The following STXBP2 variants were observed in gnomAD, a reference collection of about 807,000 sequenced individuals.
STXBP2 encodes syntaxin binding protein 2.
STXBP2 carries 47 observed loss-of-function variants against 72.2 expected under a neutral mutation model. The observed-to-expected ratio is 0.65, with a 90% CI of 0.51 to 0.83. The LOEUF is 0.83. STXBP2 is among the 40% of genes least tolerant of loss of function. The pLI, the probability that STXBP2 is intolerant of heterozygous loss-of-function variation, is 0.00. For missense variants in STXBP2, 702 were observed against 807.6 expected, an observed-to-expected ratio of 0.87 and a Z score of 1.58; for synonymous variants, 367 against 338.7, an observed-to-expected ratio of 1.08 and a Z score of -0.92.
intron 14 of STXBP2, 143 bp downstream of exon 14, chr19:7,644,895 G>A (rs751377904): frequency 1.7e-5 from 25 of 1,489,772 alleles, no homozygotes; most frequent in South Asian, 6.6e-5. Context: ...CTCTGGACCC[G>A]GGAACCCTCC....
chr19:7,639,236 G>T, intron 3 of STXBP2, 136 bp downstream of exon 3: 2 of 924,274 alleles, frequency 2.2e-6, no homozygotes. Context: ...CTCCCTGCAC[G>T]GACAGCCCGG....
chr19:7,644,770 G>T lies in STXBP2; in HGVS notation c.1246+18G>T. 1 of 1,613,476 alleles carries T rather than the reference G, an allele frequency of 6.2e-7. No homozygotes were observed. The highest frequency in any genetic ancestry group is 8.5e-7 in the Non-Finnish European group (1 of 1,179,816). On this transcript the variant is annotated intron_variant, in intron 14 of 18. Coordinates refer to ENST00000221283, the MANE Select transcript of STXBP2 (RefSeq NM_006949.4). Reference sequence around the variant, plus strand: ...TCGGAATGGTGGGTGGGGGCTGCAGGGAGTTGGAACGTCCCCATTTGCCAG... The same window carrying T: ...TCGGAATGGTGGGTGGGGGCTGCAGTGAGTTGGAACGTCCCCATTTGCCAG...
chr19:7,633,474 C>T, upstream of STXBP2: 1 of 1,569,932 alleles, frequency 6.4e-7, no homozygotes, highest in Non-Finnish European at 8.7e-7. Flanking sequence ...GGACTCCAGT[C>T]ACTTTTCTGC....
At chr19:7,630,463 C>A in the STXBP2 span, 1 of 846,820 alleles carries the variant, frequency 1.2e-6, no homozygotes, top group Non-Finnish European at 1.9e-6. Context: ...CTTGGGTCGG[C>A]CGTAACGAGG....
chr19:7,632,570 A>G, upstream of STXBP2: 2 of 1,603,836 alleles, frequency 1.2e-6, no homozygotes, highest in South Asian at 1.1e-5. This position sits in a 1 kb window ranked among gnomAD's most constrained non-coding sequence, Gnocchi z 5.2. Flanking sequence ...GGGGCCCCCA[A>G]CCCTACCCCT....
Position 7,642,401 on chromosome 19 carries a change from AC to A in STXBP2, c.795-23del. 6.2e-7 allele frequency: 1 copy of A among 1,613,276 alleles called. No individual in the cohort carries two copies. Among genetic ancestry groups the A allele is most frequent in the South Asian group, 1.1e-5 (1 of 91,040 alleles). On this transcript the variant is annotated intron_variant, in intron 9 of 18. Transcript: ENST00000221283. This position sits in a 1 kb window ranked among gnomAD's most constrained non-coding sequence, Gnocchi z 6.0. ...GGTTCCCCAGTCCTCAGCTCCCCTG[AC>A]CCCCAGGCTCCCTCCTTCCTCCCCA... is the stretch of plus-strand genomic sequence containing the variant.
At chr19:7,643,780 A>AGGGGTGGAACCTTGGG (rs2032000207) in intron 13 of STXBP2, among the ~76,000 whole-genome samples, 1 of 126,276 alleles carries the variant, frequency 7.9e-6, no homozygotes, top group Non-Finnish European at 1.6e-5. Flanking sequence ...GGAACCTTGG[A>AGGGGTGGAACCTTGGG]GAGGTGGGAC....
At chr19:7,644,887 C>G in intron 14 of STXBP2, 135 bp downstream of exon 14, 1 of 1,502,692 alleles carries the variant, frequency 6.7e-7, no homozygotes, top group South Asian at 1.3e-5. Flanking sequence ...AGCTACCCCT[C>G]TGGACCCGGG....
intron 4 of STXBP2, chr19:7,640,159 T>C (rs765286505): frequency 1.8e-6 from 1 of 560,944 alleles, no homozygotes; most frequent in South Asian, 1.6e-5. Context: ...TGTGCATCTG[T>C]ATGTGTGTGT....
At chr19:7,646,111 C>T (rs916922204) in intron 15 of STXBP2, 138 bp from the exon 16 acceptor site, 30 of 673,110 alleles carry the variant, frequency 4.5e-5, no homozygotes, top group Non-Finnish European at 7.1e-5. Context: ...TGCTGTCTCT[C>T]GCTCTCTCTC....
chr19:7,633,554 C>G, upstream of STXBP2: 1 of 1,223,816 alleles, frequency 8.2e-7, no homozygotes, highest in East Asian at 2.5e-5. Flanking sequence ...GTGGATTCCC[C>G]CCATCCCCAA....
intron 6 of STXBP2, among the ~76,000 whole-genome samples, chr19:7,641,382 A>G (rs2031868444): frequency 6.6e-6 from 1 of 152,110 alleles, no homozygotes; most frequent in Non-Finnish European, 1.5e-5. Context: ...AAACATACAT[A>G]AAGTAAAATT....
chr19:7,647,021 C>A (rs1276912619), intron 16 of STXBP2, 141 bp from the exon 17 acceptor site: 1 of 816,814 alleles, frequency 1.2e-6, no homozygotes. Flanking sequence ...GGCCTAGACT[C>A]CTGGGTCCCC....
At chr19:7,631,406 G>GGC in the STXBP2 span, 3 of 925,086 alleles carry the variant, frequency 3.2e-6, no homozygotes, top group Admixed American at 8.0e-5. Flanking sequence ...GGGCGGGGGG[G>GGC]GGTGGTCCCG....
At chr19:7,644,539 A>T (rs2032048839) in intron 13 of STXBP2, 75 bp from the exon 14 acceptor site, 1 of 1,590,670 alleles carries the variant, frequency 6.3e-7, no homozygotes, top group South Asian at 1.1e-5. Context: ...GATCCTGGGG[A>T]TGTCCTTGGC....
chr19:7,639,638 C>T, intron 3 of STXBP2, 93 bp from the exon 4 acceptor site: 2 of 1,188,878 alleles, frequency 1.7e-6, no homozygotes, highest in Non-Finnish European at 1.2e-6. Flanking sequence ...ATCCACCCCT[C>T]CTCCCCAAGC....
chr19:7,631,764 C>G, the STXBP2 span: 1 of 1,424,748 alleles, frequency 7.0e-7, no homozygotes, highest in Non-Finnish European at 9.2e-7. Flanking sequence ...GAGGGGTGAG[C>G]AGGGGTTGGG....
intron 1 of STXBP2, among the ~76,000 whole-genome samples, chr19:7,638,144 C>CT (rs1452389127): frequency 2.6e-5 from 4 of 152,342 alleles, no homozygotes; most frequent in Admixed American, 2.6e-4. Flanking sequence ...CGGTTCTCCT[C>CT]TTTTCATTCA....
chr19:7,645,082 C>A, intron 14 of STXBP2, 115 bp from the exon 15 acceptor site: 1 of 1,461,068 alleles, frequency 6.8e-7, no homozygotes, highest in Non-Finnish European at 9.3e-7. Context: ...GAGGCCCTCC[C>A]CACTGCAAGG....
Sources: gnomAD v4.1 joint callset for allele counts (sites outside exome capture counted in the v4.1 genomes callset) on GRCh38, gnomAD v4.1.1 for gene constraint, Gnocchi (gnomAD v3.1) non-coding constraint, MANE v1.5 for transcripts, NCBI Gene and HGNC (gene_info 2026-07-23, HGNC 2026-07-21) for gene names.